The following RIF1 variants were observed in gnomAD, a reference collection of about 807,000 sequenced individuals.
RIF1 encodes replication timing regulatory factor 1.
In RIF1, 45 loss-of-function variants were observed where a neutral mutation model predicts 247.1. That is an observed-to-expected ratio of 0.18 (90% CI 0.14 to 0.23). The LOEUF (loss-of-function observed/expected upper bound fraction) is 0.23. Among genes scored for constraint, RIF1 ranks in the 10% least tolerant of loss-of-function variants. RIF1 has a pLI of 1.00. For synonymous variants in RIF1, 1,087 were observed against 978.8 expected (o/e 1.11, Z -2.06); for missense variants, 2,967 against 2,862.5 (o/e 1.04, Z -0.83).
chr2:151,453,711 CT>C (rs1694739664), intron 21 of RIF1, among the ~76,000 whole-genome samples: 1 of 150,958 alleles, frequency 6.6e-6, no homozygotes, highest in African/African-American at 2.4e-5. Flanking sequence ...TGCTGTAGTT[CT>C]TTTTCAATTC....
At position 151,427,430 on chromosome 2, in the gene RIF1, C is replaced by T. The variant is rs554767913; in HGVS notation, c.787-1354C>T. Among the ~76,000 whole-genome samples the T allele has an allele frequency of 7.3e-5, 11 of 151,516 alleles. No homozygotes were observed. The South Asian group carries it at 2.1e-3, about 29-fold the overall frequency. On this transcript the variant is annotated intron_variant, in intron 8 of 35. Transcript: ENST00000444746. The stretch of plus-strand genomic sequence containing the variant: ...TTCTCCATATTGGTCAGGCTGGTCT[C>T]GAACTCCTGACCTTAGGTGATTCGC...
chr2:151,498,358 T>A, intron 10 of RIF1: 1 of 1,537,806 alleles, frequency 6.5e-7, no homozygotes, highest in Non-Finnish European at 8.8e-7. Flanking sequence ...AGCACCTGTA[T>A]GATGAGAAAG....
the RIF1 span, among the ~76,000 whole-genome samples, chr2:151,520,317 G>A: frequency 1.3e-5 from 2 of 152,162 alleles, no homozygotes; most frequent in African/African-American, 4.8e-5. Context: ...AAACAAATAT[G>A]AGAGTTTGGG....
chr2:151,425,216 C>CT lies in RIF1; in HGVS notation c.786+2175dup, dbSNP rs149722004. 2.3e-3 allele frequency among the ~76,000 whole-genome samples: 353 copies of CT among 152,184 alleles called. 9 individuals are homozygous for CT. The East Asian group carries it at 0.046, about 20-fold the overall frequency. ...TGTTTCATTGTCTGTGGAGAAATGT[C>CT]TAAGTCCTTGGCCCATTTTTGAGTA... On this transcript the variant is annotated intron_variant, in intron 8 of 35. Transcript: ENST00000444746.
In RIF1 at chr2:151,479,006, T is replaced by C. The variant is rs1380745991; in HGVS notation, c.*3935T>C. Reference sequence around the variant, plus strand: ...GAGGTTTTGATTTTTAACATAGTACTCTCAAACTTTGATGTGCATATGAAC... The same window carrying C: ...GAGGTTTTGATTTTTAACATAGTACCCTCAAACTTTGATGTGCATATGAAC... On this transcript the variant is annotated 3_prime_UTR_variant, in exon 36 of 36. Coordinates refer to ENST00000444746, the MANE Select transcript of RIF1 (RefSeq NM_018151.5). 6.6e-6 allele frequency: 1 copy of C among 152,250 alleles called. No homozygotes were observed. The highest frequency in any genetic ancestry group is 1.5e-5 in the Non-Finnish European group (1 of 68,058). The allele number at this position is 152,250 out of a possible 1,614,324, so 9.4% of individuals were successfully genotyped here.
At position 151,416,921 on chromosome 2, in the gene RIF1, G is replaced by A. The variant is rs1193381268; in HGVS notation, c.503+20G>A. 6.5e-6 allele frequency: 10 copies of A among 1,547,172 alleles called. No homozygotes were observed. In the African/African-American group the frequency reaches 1.4e-4, roughly 21 times the overall value. On this transcript the variant is annotated intron_variant, in intron 6 of 35. Transcript: ENST00000444746. ...CGTAAGGTATGCATTTGGATGTTGTGCAAATTGAAGAATAGTTTTCATAAA... is the reference window on the plus strand; with the variant it reads ...CGTAAGGTATGCATTTGGATGTTGTACAAATTGAAGAATAGTTTTCATAAA...
chr2:151,415,563 CAAAA>C (rs3040729), intron 4 of RIF1, among the ~76,000 whole-genome samples: 3 of 44,878 alleles, frequency 6.7e-5, no homozygotes, highest in East Asian at 6.0e-4. Context: ...GACTCTGTCT[CAAAA>C]AAAAAAAAAA....
intron 15 of RIF1, 76 bp from the exon 16 acceptor site, chr2:151,441,829 A>G: frequency 1.6e-6 from 1 of 634,256 alleles, no homozygotes; most frequent in Non-Finnish European, 2.8e-6. Context: ...ATTGTTAGAG[A>G]TATAGTTAAC....
intron 19 of RIF1, among the ~76,000 whole-genome samples, chr2:151,445,982 G>A (rs1693197078): frequency 6.6e-6 from 1 of 152,168 alleles, no homozygotes; most frequent in Admixed American, 6.5e-5. Context: ...CCTCTGGGAT[G>A]TGGGGGAAAG....
intron 9 of RIF1, chr2:151,489,930 A>C (rs2054821213): frequency 6.8e-7 from 1 of 1,478,242 alleles, no homozygotes; most frequent in Non-Finnish European, 9.5e-7. Context: ...ACATATCAAA[A>C]ATTAAGAATA....
chr2:151,492,754 G>A, intron 9 of RIF1: 1 of 286,086 alleles, frequency 3.5e-6, no homozygotes, highest in Non-Finnish European at 6.5e-6. Flanking sequence ...TGAAAAGAGA[G>A]TGACCTCTTG....
Position 151,463,657 on chromosome 2 carries a change from A to G in RIF1, c.4137A>G (p.Glu1379=). The change falls in exon 30 of 36, where the codon GAA becomes GAG. Residue 1379 remains glutamate (E), a synonymous_variant. Coordinates refer to ENST00000444746, the MANE Select transcript of RIF1 (RefSeq NM_018151.5). ...ATACTGTAGAGGAGAAAAATGTAGA[A>G]ATTAATTTGGAATCCAAAGAGAATA... ...ETNTVEEKNV[E]INLESKENTP... is the part of the protein sequence containing the mutation. 6.2e-7 allele frequency: 1 copy of G among 1,613,888 alleles called. No individual in the cohort carries two copies. Among genetic ancestry groups the G allele is most frequent in the Non-Finnish European group, 8.5e-7 (1 of 1,179,890 alleles).
rs530219610 is a variant in RIF1 at position 151,475,313 on chromosome 2, A to G, written c.*242A>G. 56 of 453,796 alleles carry G rather than the reference A, an allele frequency of 1.2e-4. No individual in the cohort carries two copies. In the South Asian group the frequency reaches 1.3e-3, roughly 10 times the overall value. 28.1% of individuals were successfully genotyped at this position (453,796 alleles called of 1,614,324 possible). On this transcript the variant is annotated 3_prime_UTR_variant, in exon 36 of 36. Transcript: ENST00000444746. ...TATGCGTGGTTTTTCAGGAAATTTA[A>G]TTATCTTACTGAGATGTGAAAGCAA...
Position 151,468,070 on chromosome 2 carries a change from C to G in RIF1, c.6671C>G (p.Ser2224Cys), listed in dbSNP as rs757373041. 2 of 1,613,694 alleles carry G rather than the reference C, an allele frequency of 1.2e-6. No individual in the cohort carries two copies. Among genetic ancestry groups the G allele is most frequent in the East Asian group, 2.2e-5 (1 of 44,830 alleles). ...GLADDIDRRC[S>C]IVRSHSSNSS... is the part of the protein sequence containing the mutation. ...GCAGATGACATTGATAGACGGTGCTCTATTGTTAGGTCCCATTCTTCCAAT... is the reference window on the plus strand; with the variant it reads ...GCAGATGACATTGATAGACGGTGCTGTATTGTTAGGTCCCATTCTTCCAAT... Residue 2224 changes from serine to cysteine, a missense_variant, in exon 31 of 36, where the codon TCT becomes TGT. Ser to Cys is a moderately radical substitution (Grantham distance 112). Transcript: ENST00000444746.
At chr2:151,411,234 A>C in intron 2 of RIF1, 26 bp from the exon 3 acceptor site, 1 of 1,431,248 alleles carries the variant, frequency 7.0e-7, no homozygotes, top group African/African-American at 1.4e-5. Flanking sequence ...CAACTACTTA[A>C]ACTTGTGTTC....
In RIF1 at chr2:151,468,490, C is replaced by T. The variant is rs762035362; in HGVS notation, c.6764C>T (p.Ala2255Val). 1.2e-6 allele frequency: 2 copies of T among 1,612,866 alleles called. No homozygotes were observed. The highest frequency in any genetic ancestry group is 2.7e-5 in the African/African-American group (2 of 74,842). The change falls in exon 32 of 36, where the codon GCC becomes GTC. Residue 2255 changes from alanine (A) to valine (V), a missense_variant. Around this residue, in one of 7 missense-constraint regions of RIF1, gnomAD observed 2,028 missense variants for 1,825.6 expected, o/e 1.11. Coordinates refer to ENST00000444746, the MANE Select transcript of RIF1 (RefSeq NM_018151.5). Reference protein sequence around the residue: ...TTQSKHNTTSAKGFLSPGSRS... With the variant: ...TTQSKHNTTSVKGFLSPGSRS... Reference sequence around the variant, plus strand: ...TCTATCTAGCATAATACCACTTCAGCCAAAGGATTTCTGTCCCCAGGATCA... The same window carrying T: ...TCTATCTAGCATAATACCACTTCAGTCAAAGGATTTCTGTCCCCAGGATCA...
the RIF1 span, chr2:151,527,033 A>C: frequency 6.4e-7 from 1 of 1,554,982 alleles, no homozygotes; most frequent in Non-Finnish European, 8.8e-7. Context: ...CTGTGATAGA[A>C]GAAAGGCAGA....
chr2:151,490,239 A>G, intron 9 of RIF1: 4 of 1,252,704 alleles, frequency 3.2e-6, no homozygotes, highest in South Asian at 1.5e-5. Context: ...GCCCTCCACA[A>G]TTCTAGTCTT....
At chr2:151,519,773 C>A in the RIF1 span, 2 of 1,562,978 alleles carry the variant, frequency 1.3e-6, no homozygotes, top group Non-Finnish European at 1.8e-6. Context: ...TTTAACCTAA[C>A]AGCAAATGCA....
Sources: allele counts gnomAD v4.1 joint callset (sites outside exome capture counted in the v4.1 genomes callset), GRCh38; gene constraint gnomAD v4.1.1; regional missense constraint gnomAD v4.1.1; transcripts MANE v1.5; gene names NCBI Gene and HGNC (gene_info 2026-07-23, HGNC 2026-07-21).